Variants in CNTNAP2 observed in about 807,000 individuals in gnomAD.
CNTNAP2 encodes the protein contactin-associated protein-like 2.
Under a neutral mutation model 155.2 loss-of-function variants are expected in CNTNAP2, and 98 were observed. The observed-to-expected ratio is 0.63, with a 90% CI of 0.54 to 0.75. CNTNAP2 has a LOEUF of 0.75. Among genes scored for constraint, CNTNAP2 ranks in the 30% least tolerant of loss-of-function variants. The pLI is 0.00. For synonymous variants in CNTNAP2, 651 were observed against 631.2 expected (o/e 1.03, Z -0.47); for missense variants, 1,727 against 1,688.1 (o/e 1.02, Z -0.40).
intron 12 of CNTNAP2, among the ~76,000 whole-genome samples, chr7:147,626,301 T>TG (rs1295912140): frequency 1.3e-5 from 2 of 151,922 alleles, no homozygotes; most frequent in Non-Finnish European, 2.9e-5. Flanking sequence ...AAGGTCTTAT[T>TG]GGGGCACTGT....
chr7:146,335,471 C>T (rs1349576444), intron 1 of CNTNAP2, among the ~76,000 whole-genome samples: 3 of 152,140 alleles, frequency 2.0e-5, no homozygotes, highest in Non-Finnish European at 2.9e-5. Context: ...AGGAGCCCTC[C>T]TCTGTGCCCT....
intron 1 of CNTNAP2, among the ~76,000 whole-genome samples, chr7:146,370,539 A>G (rs1238695940): frequency 6.6e-6 from 1 of 152,138 alleles, no homozygotes; most frequent in Non-Finnish European, 1.5e-5. Context: ...CAAGATGTCG[A>G]GACTTTGTAT....
intron 1 of CNTNAP2, among the ~76,000 whole-genome samples, chr7:146,772,502 C>CAAAAAAAAAA (rs71165037): frequency 1.0e-5 from 1 of 96,238 alleles, no homozygotes; most frequent in African/African-American, 3.1e-5. Flanking sequence ...ACTGAAAATA[C>CAAAAAAAAAA]AAAAAAAAAA....
chr7:147,353,742 A>T (rs1006301714), intron 9 of CNTNAP2, among the ~76,000 whole-genome samples: 1 of 152,080 alleles, frequency 6.6e-6, no homozygotes, highest in South Asian at 2.1e-4. Flanking sequence ...ACAATGGTTG[A>T]ACTAATTTAC....
chr7:147,018,142 T>C (rs113733174), intron 3 of CNTNAP2, among the ~76,000 whole-genome samples: 9 of 152,248 alleles, frequency 5.9e-5, no homozygotes, highest in African/African-American at 1.9e-4. Flanking sequence ...CACTTAGTAA[T>C]CTTTTTACCA....
In CNTNAP2 at chr7:147,301,924, A is replaced by C. The variant is rs555816051; in HGVS notation, c.1498+1634A>C. On this transcript the variant is annotated intron_variant, in intron 9 of 23. Transcript: ENST00000361727. ...GTCCTATACCAGGGCATTTCTCCCC[A>C]TCTAATTAGTGACAAGTTAGAGACA... is the stretch of plus-strand genomic sequence containing the variant. 1.1e-3 allele frequency among the ~76,000 whole-genome samples: 165 copies of C among 152,236 alleles called. 2 individuals are homozygous for C. The South Asian group carries it at 0.024, about 22-fold the overall frequency.
At chr7:147,258,811 C>T (rs764716881) in intron 8 of CNTNAP2, among the ~76,000 whole-genome samples, 1 of 152,178 alleles carries the variant, frequency 6.6e-6, no homozygotes, top group East Asian at 1.9e-4. Context: ...CTAACCCATG[C>T]TGTCTTCAAT....
intron 1 of CNTNAP2, among the ~76,000 whole-genome samples, chr7:146,657,978 C>T (rs892075831): frequency 8.6e-5 from 13 of 151,710 alleles, no homozygotes; most frequent in African/African-American, 2.9e-4. Flanking sequence ...AACATACATT[C>T]AAGCATGTAT....
chr7:147,799,530 A>T (rs558787008), intron 13 of CNTNAP2, among the ~76,000 whole-genome samples: 15 of 152,318 alleles, frequency 9.8e-5, no homozygotes, highest in Admixed American at 5.9e-4. Context: ...AGCATTGTAA[A>T]AATGTATATT....
chr7:146,643,417 A>G (rs2129161841), intron 1 of CNTNAP2, among the ~76,000 whole-genome samples: 1 of 152,220 alleles, frequency 6.6e-6, no homozygotes, highest in Non-Finnish European at 1.5e-5. Flanking sequence ...TAAATAGGGA[A>G]TCCTTTCCCC....
At chr7:147,243,016 T>TTTTTG (rs1803977056) in intron 8 of CNTNAP2, among the ~76,000 whole-genome samples, 3 of 121,050 alleles carry the variant, frequency 2.5e-5, no homozygotes, top group Non-Finnish European at 3.6e-5. Context: ...TTTTTTTTTT[T>TTTTTG]GAGAGGGAGT....
At chr7:147,606,922 TCACAGAGAA>T (rs1234490263) in intron 12 of CNTNAP2, among the ~76,000 whole-genome samples, 1 of 82,056 alleles carries the variant, frequency 1.2e-5, no homozygotes, top group Non-Finnish European at 2.5e-5. Context: ...TTGATAAGCC[TCACAGAGAA>T]TTTTTTTTTT....
intron 18 of CNTNAP2, among the ~76,000 whole-genome samples, chr7:148,204,160 G>A (rs1158177482): frequency 6.6e-6 from 1 of 152,168 alleles, no homozygotes; most frequent in Non-Finnish European, 1.5e-5. Context: ...TGATGAGTGA[G>A]ACTCAGCTGT....
At chr7:146,938,357 T>G (rs1796969068) in intron 3 of CNTNAP2, among the ~76,000 whole-genome samples, 1 of 147,054 alleles carries the variant, frequency 6.8e-6, no homozygotes, top group Non-Finnish European at 1.5e-5. Flanking sequence ...TCTGTATATT[T>G]ACATATATAA....
intron 14 of CNTNAP2, among the ~76,000 whole-genome samples, chr7:147,960,590 A>G (rs1801100358): frequency 6.6e-6 from 1 of 152,220 alleles, no homozygotes; most frequent in Non-Finnish European, 1.5e-5. Context: ...TTGTAATTGT[A>G]CAATAGTGAC....
intron 8 of CNTNAP2, chr7:147,167,319 T>G (rs536828745): frequency 3.5e-5 from 17 of 484,138 alleles, no homozygotes; most frequent in African/African-American, 3.4e-4. Flanking sequence ...GACAAGATGG[T>G]GCTATTATAA....
chr7:147,730,668 C>G (rs572810988), intron 13 of CNTNAP2, among the ~76,000 whole-genome samples: 3 of 151,910 alleles, frequency 2.0e-5, no homozygotes, highest in Admixed American at 6.6e-5. Context: ...AGTACAGCGG[C>G]CTCTAAGTGT....
intron 1 of CNTNAP2, among the ~76,000 whole-genome samples, chr7:146,183,848 T>A (rs1007101699): frequency 2.6e-5 from 4 of 152,098 alleles, no homozygotes; most frequent in Admixed American, 2.0e-4. Context: ...ATCCTCCCTT[T>A]CTGTTACCTT....
chr7:146,783,651 G>A (rs1802527087), intron 2 of CNTNAP2, among the ~76,000 whole-genome samples: 1 of 152,108 alleles, frequency 6.6e-6, no homozygotes, highest in Admixed American at 6.6e-5. Context: ...TAAAATGTTG[G>A]TATTTCAACA....
Sources: gnomAD v4.1 joint callset for allele counts (sites outside exome capture counted in the v4.1 genomes callset) on GRCh38, gnomAD v4.1.1 for gene constraint, MANE v1.5 for transcripts, NCBI Gene and HGNC (gene_info 2026-07-23, HGNC 2026-07-21) for gene names.